The following NXF3 variants were observed in gnomAD, a reference collection of about 807,000 sequenced individuals.
NXF3 encodes TAP-like protein 3.
A neutral mutation model predicts 48.4 loss-of-function variants in NXF3; 34 were observed. That is an observed-to-expected ratio of 0.70 (90% CI 0.53 to 0.93). The LOEUF (loss-of-function observed/expected upper bound fraction) is 0.93. Ranked by LOEUF, NXF3 falls within the 40% of genes least tolerant of loss-of-function variation. The pLI is 0.00. For missense variants in NXF3, 359 were observed against 406.1 expected (o/e 0.88, Z 1.00); for synonymous variants, 132 against 145.7 (o/e 0.91, Z 0.68).
chrX:103,078,780 G>T, intron 16 of NXF3, 148 bp from the exon 17 acceptor site: 1 of 893,588 alleles, frequency 1.1e-6, no homozygotes. Context: ...GGATGTGGTA[G>T]GAATGGGGAG....
rs1187268393 is a variant in NXF3 at position 103,082,737 on chromosome X, C to T, written c.780+23G>A. The T allele has an allele frequency of 1.2e-5, 14 of 1,146,962 alleles. No individual in the cohort carries two copies. The East Asian group carries it at 3.9e-4, about 32-fold the overall frequency. The allele number at this position is 1,146,962 out of a possible 1,213,427, so 94.5% of individuals were successfully genotyped here. A position where few individuals can be genotyped will look rare whatever the true frequency, so the allele number is the denominator to read the frequency against. On this transcript the variant is annotated intron_variant, in intron 8 of 19. Coordinates refer to ENST00000395065, the MANE Select transcript of NXF3 (RefSeq NM_022052.2). ...ATCTCTTCCACCTTCACCCTCAATC[C>T]CAGCATGAGCCTAAGGCCTCACTGT...
At chrX:103,087,924 A>G (rs5945757) in intron 1 of NXF3, 367,146 of 941,118 alleles carry the variant, frequency 0.39, 50,921 homozygotes, top group African/African-American at 0.65. Flanking sequence ...AGGCTTTTTG[A>G]GCTCTTTTAT....
intron 1 of NXF3, among the ~76,000 whole-genome samples, chrX:103,089,922 T>C: frequency 9.0e-6 from 1 of 110,972 alleles, no homozygotes; most frequent in Non-Finnish European, 1.9e-5. Flanking sequence ...CTTTTTTTTT[T>C]CCCAGCGAGT....
intron 18 of NXF3, 29 bp downstream of exon 18, chrX:103,077,584 TC>T: frequency 1.4e-5 from 17 of 1,206,397 alleles, no homozygotes; most frequent in Non-Finnish European, 1.9e-5. Context: ...TGGTAGTTCA[TC>T]CCCCAGACTG....
At chrX:103,080,437 G>A (rs917543966) in intron 10 of NXF3, 139 bp downstream of exon 10, 53 of 678,642 alleles carry the variant, frequency 7.8e-5, no homozygotes, top group Non-Finnish European at 1.0e-4. Context: ...ACATGGGTCC[G>A]TATTCCCTTC....
Position 103,078,637 on chromosome X carries a change from A to G in NXF3, c.1379-5T>C, listed in dbSNP as rs375759704. 3.7e-5 allele frequency: 45 copies of G among 1,210,195 alleles called. No individual in the cohort carries two copies. The highest frequency in any genetic ancestry group is 4.9e-5 in the Non-Finnish European group (44 of 895,338). On this transcript the variant is annotated splice_polypyrimidine_tract_variant and splice_region_variant and intron_variant, in intron 16 of 19. Coordinates refer to ENST00000395065, the MANE Select transcript of NXF3 (RefSeq NM_022052.2). Reference sequence around the variant, plus strand: ...AACCCTGAGACTGTCCTTCCACTTCAAAGACAACAAACAACATTGCCTTAG... The same window carrying G: ...AACCCTGAGACTGTCCTTCCACTTCGAAGACAACAAACAACATTGCCTTAG...
At position 103,079,842 on chromosome X, in the gene NXF3, G is replaced by A. The variant is rs755460265; in HGVS notation, c.1081C>T (p.Arg361Ter). The change falls in exon 13 of 20, where the codon CGA becomes TGA. Residue 361 changes from arginine to a stop codon, truncating the protein, a stop_gained. Coordinates refer to ENST00000395065, the MANE Select transcript of NXF3 (RefSeq NM_022052.2). LOFTEE classifies it high-confidence loss of function. Reference protein sequence around the residue: ...QYYLIYDSGDRQGLLSAYHDE... With the variant: ...QYYLIYDSGD ...TGGTAAGCACTAAGGAGACCCTGTC[G>A]ATCTCCAGAGTCATAGATCAAGTAA... 3.3e-6 allele frequency: 4 copies of A among 1,207,824 alleles called. No individual in the cohort carries two copies. Among genetic ancestry groups the A allele is most frequent in the African/African-American group, 1.8e-5 (1 of 56,986 alleles).
At chrX:103,092,481 T>G (rs920454864) in intron 1 of NXF3, among the ~76,000 whole-genome samples, 1 of 112,619 alleles carries the variant, frequency 8.9e-6, no homozygotes, top group Non-Finnish European at 1.9e-5. Flanking sequence ...CACTGTGATG[T>G]GGGAATTTAA....
chrX:103,090,213 G>T (rs895675528), intron 1 of NXF3, among the ~76,000 whole-genome samples: 1 of 111,747 alleles, frequency 8.9e-6, no homozygotes, highest in African/African-American at 3.2e-5. Context: ...TTAATGGAGT[G>T]GTCCTATTAT....
At chrX:103,079,125 A>C in intron 16 of NXF3, 96 bp downstream of exon 16, 1 of 904,869 alleles carries the variant, frequency 1.1e-6, no homozygotes, top group Admixed American at 2.2e-5. Flanking sequence ...GAAGGAAAGG[A>C]ACGAAATGAG....
rs1466225871 is a variant in NXF3, at chrX:103,079,277, T to C, written c.1336-14A>G. On this transcript the variant is annotated splice_polypyrimidine_tract_variant and intron_variant, in intron 15 of 19. Coordinates refer to ENST00000395065, the MANE Select transcript of NXF3 (RefSeq NM_022052.2). ...GAGCATCCATTCCTGAAAGGGAAGATCTCAGGTGCTCAGGATCCCCCTTAA... is the reference window on the plus strand; with the variant it reads ...GAGCATCCATTCCTGAAAGGGAAGACCTCAGGTGCTCAGGATCCCCCTTAA... 1 of 1,211,036 alleles carries C rather than the reference T, an allele frequency of 8.3e-7. No individual in the cohort carries two copies. The highest frequency in any genetic ancestry group is 1.8e-5 in the South Asian group (1 of 56,954).
Position 103,082,995 on chromosome X carries a change from C to T in NXF3, c.691+9G>A. 8.3e-7 allele frequency: 1 copy of T among 1,204,466 alleles called. No individual in the cohort carries two copies. Among genetic ancestry groups the T allele is most frequent in the Non-Finnish European group, 1.1e-6 (1 of 889,196 alleles). ...CTCATCTACCATAGAATTACTTTCT[C>T]AGCCATACCTGGGTAAAATGGGAGT... On this transcript the variant is annotated intron_variant, in intron 7 of 19. Coordinates refer to ENST00000395065, the MANE Select transcript of NXF3 (RefSeq NM_022052.2).
chrX:103,091,712 G>T (rs113485608), intron 1 of NXF3, among the ~76,000 whole-genome samples: 2 of 110,713 alleles, frequency 1.8e-5, no homozygotes, highest in Non-Finnish European at 1.9e-5. Context: ...TAGGCCAGGC[G>T]CGGTGGCTCA....
In NXF3 at chrX:103,079,774, C is replaced by A. The variant is rs776156640; in HGVS notation, c.1149G>T (p.Glu383Asp). 3.3e-6 allele frequency: 4 copies of A among 1,210,594 alleles called. No individual in the cohort carries two copies. The East Asian group carries it at 8.9e-5, about 27-fold the overall frequency. ...CFSLSIPFNP[E>D]DSAPSSFCKF... ...GCTGTGATACTCACGGGGCTGAGTC[C>A]TCAGGATTGAAGGGAATGCTCAGGG... The change falls in exon 13 of 20, where the codon GAG becomes GAT. Residue 383 changes from glutamate (E) to aspartate (D), a missense_variant. Transcript: ENST00000395065.
chrX:103,079,706 G>A (rs1195371525), intron 13 of NXF3, 57 bp downstream of exon 13: 2 of 1,185,298 alleles, frequency 1.7e-6, no homozygotes, highest in African/African-American at 3.5e-5. Context: ...AGGAGCTGGT[G>A]TCTTTCTGCA....
chrX:103,080,653 C>T (rs1921985526), intron 9 of NXF3, 41 bp from the exon 10 acceptor site: 1 of 1,162,473 alleles, frequency 8.6e-7, no homozygotes, highest in Non-Finnish European at 1.2e-6. Flanking sequence ...GTAAGTGAAA[C>T]TGTGGAGCTG....
intron 7 of NXF3, 72 bp downstream of exon 7, chrX:103,082,932 C>A (rs1922051684): frequency 5.2e-6 from 6 of 1,150,296 alleles, no homozygotes; most frequent in Non-Finnish European, 5.9e-6. Flanking sequence ...CCCCAAGTTG[C>A]CAACCGTAAG....
intron 11 of NXF3, 35 bp from the exon 12 acceptor site, chrX:103,080,103 C>T (rs778047593): frequency 8.3e-7 from 1 of 1,204,882 alleles, no homozygotes; most frequent in Non-Finnish European, 1.1e-6. Context: ...ACAGATGGTA[C>T]CCCCCCTTCC....
intron 10 of NXF3, 150 bp downstream of exon 10, chrX:103,080,426 C>A: frequency 1.5e-6 from 1 of 651,785 alleles, no homozygotes; most frequent in East Asian, 3.3e-5. Flanking sequence ...GCCAAGTTCC[C>A]ACATGGGTCC....
Sources: gnomAD v4.1 joint callset for allele counts (sites outside exome capture counted in the v4.1 genomes callset) on GRCh38, gnomAD v4.1.1 for gene constraint, MANE v1.5 for transcripts, NCBI Gene and HGNC (gene_info 2026-07-23, HGNC 2026-07-21) for gene names.